The following SLC41A3 variants were observed in gnomAD, a reference collection of about 807,000 sequenced individuals.
The protein encoded by SLC41A3 is SLC41A1-like 2.
SLC41A3 carries 44 observed loss-of-function variants against 45.4 expected under a neutral mutation model. The observed-to-expected ratio is 0.97, with a 90% CI of 0.76 to 1.25. The LOEUF (loss-of-function observed/expected upper bound fraction) is 1.25, where lower values mean the gene tolerates loss of function less well. SLC41A3 is among the 50% of genes most tolerant of loss of function. The pLI is 0.00. For synonymous variants in SLC41A3, 256 were observed against 252.4 expected (o/e 1.01, Z -0.13); for missense variants, 550 against 600.6 (o/e 0.92, Z 0.88).
chr3:126,029,203 T>C (rs1941607605), intron 4 of SLC41A3, among the ~76,000 whole-genome samples: 1 of 152,196 alleles, frequency 6.6e-6, no homozygotes, highest in Non-Finnish European at 1.5e-5. Flanking sequence ...TGTATTTGTT[T>C]CCCCACCAAA....
At chr3:126,096,053 G>A (rs756734078) in intron 1 of SLC41A3, among the ~76,000 whole-genome samples, 1 of 151,976 alleles carries the variant, frequency 6.6e-6, no homozygotes, top group Non-Finnish European at 1.5e-5. Context: ...GCATCTAGAA[G>A]GACACTCTAC....
chr3:126,087,455 T>A (rs1945414720), upstream of SLC41A3, among the ~76,000 whole-genome samples: 1 of 152,058 alleles, frequency 6.6e-6, no homozygotes, highest in South Asian at 2.1e-4. Flanking sequence ...ATTAAGTATC[T>A]GGGTAATTTC....
chr3:126,059,263 G>GAAGAAAGA (rs1553740748), intron 2 of SLC41A3, among the ~76,000 whole-genome samples: 1 of 11,738 alleles, frequency 8.5e-5, no homozygotes, highest in African/African-American at 4.0e-4. Context: ...AAGAAAGAAA[G>GAAGAAAGA]AAGAAAGAAA....
At chr3:126,045,684 C>T (rs970604009) in intron 3 of SLC41A3, among the ~76,000 whole-genome samples, 6 of 152,076 alleles carry the variant, frequency 3.9e-5, no homozygotes, top group African/African-American at 1.4e-4. Flanking sequence ...TTCTACCAAA[C>T]ATTTAAAGAA....
intron 2 of SLC41A3, chr3:126,057,125 C>G: frequency 1.0e-6 from 1 of 986,248 alleles, no homozygotes; most frequent in Non-Finnish European, 1.2e-6. Context: ...CTACAGACCT[C>G]GAGTTTTATT....
chr3:126,062,577 C>T (rs1457338699), intron 2 of SLC41A3, among the ~76,000 whole-genome samples: 1 of 152,234 alleles, frequency 6.6e-6, no homozygotes, highest in Non-Finnish European at 1.5e-5. Flanking sequence ...CACAAAGGCA[C>T]TCACAATGAG....
At position 126,007,149 on chromosome 3, in the gene SLC41A3, C is replaced by T. The variant is rs1331929714; in HGVS notation, c.1331G>A (p.Cys444Tyr). 1 of 1,614,122 alleles carries T rather than the reference C, an allele frequency of 6.2e-7. No homozygotes were observed. The highest frequency in any genetic ancestry group is 8.5e-7 in the Non-Finnish European group (1 of 1,180,046). The change falls in exon 11 of 11, where the codon TGC (cysteine) becomes TAC (tyrosine). Residue 444 changes from cysteine to tyrosine, a missense_variant. Transcript: ENST00000360370. Reference protein sequence around the residue: ...WHQALDPDNHCIPYLTGLGDL... With the variant: ...WHQALDPDNHYIPYLTGLGDL... ...CCCCAGCCCTGTAAGGTAGGGGATG[C>T]AGTGGTTGTCAGGATCCAGGGCCTG... is the stretch of plus-strand genomic sequence containing the variant.
At chr3:126,041,416 C>T (rs1942585947) in intron 3 of SLC41A3, among the ~76,000 whole-genome samples, 1 of 152,046 alleles carries the variant, frequency 6.6e-6, no homozygotes, top group African/African-American at 2.4e-5. Flanking sequence ...GGTGAAATTC[C>T]ATAACACAGA....
intron 1 of SLC41A3, chr3:126,083,883 C>A (rs1250821859): frequency 6.8e-6 from 1 of 148,078 alleles, no homozygotes; most frequent in Non-Finnish European, 1.5e-5. Context: ...TACCTCATCT[C>A]CCGCGCGCCT....
intron 9 of SLC41A3, among the ~76,000 whole-genome samples, chr3:126,010,538 A>G (rs148617303): frequency 1.3e-5 from 2 of 152,340 alleles, no homozygotes; most frequent in African/African-American, 4.8e-5. Flanking sequence ...AGCCCGGCAA[A>G]ACAGACAACT....
chr3:126,022,060 T>A lies in SLC41A3; in HGVS notation c.745+726A>T, dbSNP rs1217744938. ...CAAACAACACACTTGATTTTTCAAG[T>A]CACCCACATGGCTCTCCTTCAAGTG... On this transcript the variant is annotated intron_variant, in intron 6 of 10. Transcript: ENST00000360370. 2.7e-5 allele frequency among the ~76,000 whole-genome samples: 4 copies of A among 147,108 alleles called. No homozygotes were observed. The East Asian group carries it at 7.9e-4, about 29-fold the overall frequency.
chr3:126,085,924 G>A (rs934117737), upstream of SLC41A3, among the ~76,000 whole-genome samples: 23 of 152,210 alleles, frequency 1.5e-4, no homozygotes, highest in Non-Finnish European at 2.9e-4. Context: ...TATAAGGACT[G>A]ATCACCCATC....
At chr3:126,048,396 C>T (rs1943103395) in intron 3 of SLC41A3, among the ~76,000 whole-genome samples, 1 of 152,046 alleles carries the variant, frequency 6.6e-6, no homozygotes, top group Admixed American at 6.5e-5. Context: ...CCAGTGTGTA[C>T]GGGAGTATAT....
chr3:126,013,639 G>A (rs558838645), intron 8 of SLC41A3, among the ~76,000 whole-genome samples: 76 of 152,170 alleles, frequency 5.0e-4, no homozygotes, highest in African/African-American at 1.8e-3. Flanking sequence ...GCAAGCATGC[G>A]GCAGGAGACA....
At chr3:126,038,516 T>A (rs1036138668) in intron 3 of SLC41A3, among the ~76,000 whole-genome samples, 1 of 152,246 alleles carries the variant, frequency 6.6e-6, no homozygotes, top group Non-Finnish European at 1.5e-5. Context: ...TAAAATGTAA[T>A]GCCTGTCTGC....
At chr3:126,050,783 T>TGGGAGA in intron 3 of SLC41A3, 160 bp downstream of exon 3, 1 of 1,278,578 alleles carries the variant, frequency 7.8e-7, no homozygotes, top group Non-Finnish European at 1.0e-6. Context: ...GGCATTGGGC[T>TGGGAGA]GGGAGAGGGA....
chr3:126,092,267 C>T (rs774234665), intron 1 of SLC41A3, among the ~76,000 whole-genome samples: 12 of 152,226 alleles, frequency 7.9e-5, no homozygotes, highest in Non-Finnish European at 1.5e-4. Flanking sequence ...GGTGGAAAAC[C>T]ATTTAAAGGC....
upstream of SLC41A3, among the ~76,000 whole-genome samples, chr3:126,084,795 C>A (rs1397143911): frequency 6.6e-6 from 1 of 152,152 alleles, no homozygotes; most frequent in Non-Finnish European, 1.5e-5. Flanking sequence ...AGGCACCTCC[C>A]CGTTCCCAAC....
rs190530721 is a variant in SLC41A3, at chr3:126,046,727, C to T, written c.381+4216G>A. 1.3e-3 allele frequency among the ~76,000 whole-genome samples: 198 copies of T among 150,134 alleles called. 1 individual carries two copies. The highest frequency in any genetic ancestry group is 4.7e-3 in the African/African-American group (192 of 41,082). ...CTGTAATCCCAGCACTTTGGGAGGT[C>T]GAGGTAGGTGGATCACTTGAGGTCA... On this transcript the variant is annotated intron_variant, in intron 3 of 10. Transcript: ENST00000360370.
Sources: allele counts gnomAD v4.1 joint callset (sites outside exome capture counted in the v4.1 genomes callset), GRCh38; gene constraint gnomAD v4.1.1; transcripts MANE v1.5; gene names NCBI Gene and HGNC (gene_info 2026-07-23, HGNC 2026-07-21).